Variants in RARS2 observed in about 807,000 individuals in gnomAD.
The protein encoded by RARS2 is arginyl-tRNA synthetase 2, mitochondrial.
RARS2 carries 67 observed loss-of-function variants against 88.5 expected under a neutral mutation model. The ratio of observed to expected loss-of-function variants is 0.76; its 90% CI spans 0.62 to 0.93. The LOEUF is 0.93. RARS2 is among the 40% of genes least tolerant of loss of function. RARS2 has a pLI of 0.00. For synonymous variants in RARS2, 239 were observed against 230.3 expected, an observed-to-expected ratio of 1.04 and a Z score of -0.34; for missense variants, 664 against 684.2, an observed-to-expected ratio of 0.97 and a Z score of 0.33.
At chr6:87,573,167 A>T (rs1022107977) in intron 1 of RARS2, among the ~76,000 whole-genome samples, 2 of 152,152 alleles carry the variant, frequency 1.3e-5, no homozygotes, top group Non-Finnish European at 2.9e-5. Context: ...GGAAGCACGT[A>T]TGGGGAGGCC....
intron 7 of RARS2, among the ~76,000 whole-genome samples, chr6:87,542,992 A>G (rs923478126): frequency 1.3e-5 from 2 of 152,158 alleles, no homozygotes; most frequent in African/African-American, 4.8e-5. Context: ...GAGGAACATT[A>G]GTTTTATTAC....
chr6:87,550,623 C>A (rs995731764), intron 5 of RARS2, among the ~76,000 whole-genome samples: 1 of 149,764 alleles, frequency 6.7e-6, no homozygotes. Flanking sequence ...TTTGCCAAAA[C>A]TCATCAAATT....
intron 11 of RARS2, among the ~76,000 whole-genome samples, chr6:87,524,234 G>A (rs1054924816): frequency 2.6e-5 from 4 of 151,808 alleles, no homozygotes; most frequent in Non-Finnish European, 4.4e-5. Context: ...GAGATGGATG[G>A]GAAAAAAAAA....
intron 5 of RARS2, among the ~76,000 whole-genome samples, chr6:87,553,704 T>C (rs1253547510): frequency 6.6e-6 from 1 of 152,190 alleles, no homozygotes; most frequent in Non-Finnish European, 1.5e-5. Context: ...AGCAGGCAAA[T>C]TTCCTTAGGA....
At chr6:87,560,818 G>A (rs938325628) in intron 4 of RARS2, among the ~76,000 whole-genome samples, 13 of 152,314 alleles carry the variant, frequency 8.5e-5, no homozygotes, top group African/African-American at 3.1e-4. Context: ...AACCCGGGAG[G>A]TGGAGGTTAC....
chr6:87,515,093 A>T, intron 18 of RARS2, 73 bp from the exon 19 acceptor site: 2 of 1,121,308 alleles, frequency 1.8e-6, no homozygotes, highest in Non-Finnish European at 2.7e-6. Context: ...CTTGATATCT[A>T]ATCTTACTCC....
At chr6:87,567,989 T>C (rs1768446360) in intron 2 of RARS2, among the ~76,000 whole-genome samples, 1 of 152,140 alleles carries the variant, frequency 6.6e-6, no homozygotes, top group African/African-American at 2.4e-5. Context: ...GCCAGGATGG[T>C]CTCCATCTCC....
chr6:87,521,254 C>CT (rs1389688782), intron 12 of RARS2, among the ~76,000 whole-genome samples: 2 of 152,150 alleles, frequency 1.3e-5, no homozygotes, highest in Non-Finnish European at 2.9e-5. Flanking sequence ...AACCATCTTA[C>CT]TGATTCAGGT....
chr6:87,579,521 G>A (rs1772713881), intron 1 of RARS2, among the ~76,000 whole-genome samples: 1 of 152,086 alleles, frequency 6.6e-6, no homozygotes, highest in South Asian at 2.1e-4. Flanking sequence ...TGCTTCTCAG[G>A]TGATTCAAGT....
At position 87,564,317 on chromosome 6, in the gene RARS2, A is replaced by G. The variant is rs1355762542; in HGVS notation, c.111-85T>C. On this transcript the variant is annotated intron_variant, in intron 2 of 19. Coordinates refer to ENST00000369536, the MANE Select transcript of RARS2 (RefSeq NM_020320.5). Reference sequence around the variant, plus strand: ...AAAGACTAATCACTATGAGTTCTCCATTGAGACATACCTTTACCAGAAGAA... The same window carrying G: ...AAAGACTAATCACTATGAGTTCTCCGTTGAGACATACCTTTACCAGAAGAA... 6.4e-6 allele frequency: 6 copies of G among 944,306 alleles called. No homozygotes were observed. In the Admixed American group the frequency reaches 7.5e-5, roughly 12 times the overall value. 58.5% of individuals were successfully genotyped at this position (944,306 alleles called of 1,614,324 possible).
intron 8 of RARS2, among the ~76,000 whole-genome samples, chr6:87,540,411 T>C (rs570809701): frequency 6.9e-6 from 1 of 144,124 alleles, no homozygotes; most frequent in African/African-American, 2.6e-5. Flanking sequence ...GATCACACCA[T>C]TGCACTTCAG....
intron 1 of RARS2, among the ~76,000 whole-genome samples, chr6:87,569,905 A>G (rs1769116981): frequency 6.6e-6 from 1 of 152,064 alleles, no homozygotes; most frequent in South Asian, 2.1e-4. Context: ...AAAAAAAAAA[A>G]AAGTATGGCA....
intron 4 of RARS2, among the ~76,000 whole-genome samples, chr6:87,558,895 G>A (rs1786901261): frequency 6.6e-6 from 1 of 152,182 alleles, no homozygotes; most frequent in Non-Finnish European, 1.5e-5. Flanking sequence ...TCCTTCAGGA[G>A]ATACTCCAGA....
intron 1 of RARS2, 135 bp downstream of exon 1, chr6:87,589,787 G>T: frequency 6.3e-7 from 1 of 1,594,972 alleles, no homozygotes; most frequent in Non-Finnish European, 8.5e-7. Flanking sequence ...CCAGAGAAGG[G>T]GGAGGAGGTG....
intron 10 of RARS2, among the ~76,000 whole-genome samples, chr6:87,526,672 A>G (rs1775828023): frequency 6.9e-6 from 1 of 143,928 alleles, no homozygotes; most frequent in Non-Finnish European, 1.5e-5. Context: ...GGTCAACTGA[A>G]TTTTTTTTTT....
rs575199847 is a variant in RARS2, at chr6:87,538,420, T to C, written c.612+3498A>G. Reference sequence around the variant, plus strand: ...ACCCATCAGTAAATAACCTCTAACATAGATGTTGATCTTCCACTATTTTTG... The same window carrying C: ...ACCCATCAGTAAATAACCTCTAACACAGATGTTGATCTTCCACTATTTTTG... On this transcript the variant is annotated intron_variant, in intron 8 of 19. Coordinates refer to ENST00000369536, the MANE Select transcript of RARS2 (RefSeq NM_020320.5). 4.6e-5 allele frequency among the ~76,000 whole-genome samples: 7 copies of C among 152,332 alleles called. No individual in the cohort carries two copies. In the East Asian group the frequency reaches 5.8e-4, roughly 13 times the overall value.
intron 1 of RARS2, among the ~76,000 whole-genome samples, chr6:87,573,919 G>A (rs1366301568): frequency 6.6e-6 from 1 of 152,188 alleles, no homozygotes; most frequent in Non-Finnish European, 1.5e-5. Flanking sequence ...AATAGCTTCT[G>A]GAGGAGAATG....
chr6:87,545,634 C>T lies in RARS2; in HGVS notation c.517G>A (p.Asp173Asn), dbSNP rs769045045. 4.3e-6 allele frequency: 7 copies of T among 1,613,640 alleles called. No homozygotes were observed. In the Admixed American group the frequency reaches 5.0e-5, roughly 12 times the overall value. The change falls in exon 7 of 20, where the codon GAT becomes AAT. Residue 173 changes from aspartate (D) to asparagine (N), a missense_variant. Transcript: ENST00000369536. ...HQVIRINYLG[D>N]WGMQFGLLGT... ...TACTTACCAAACTGCATGCCCCAAT[C>T]GCCAAGGTAATTTATTCTTATTACT...
At chr6:87,582,893 G>A (rs1354794320) in intron 1 of RARS2, among the ~76,000 whole-genome samples, 1 of 152,148 alleles carries the variant, frequency 6.6e-6, no homozygotes, top group East Asian at 1.9e-4. Context: ...GCAGATGTAA[G>A]TTAATAACGA....
Sources: gnomAD v4.1 joint callset for allele counts (sites outside exome capture counted in the v4.1 genomes callset) on GRCh38, gnomAD v4.1.1 for gene constraint, MANE v1.5 for transcripts, NCBI Gene and HGNC (gene_info 2026-07-23, HGNC 2026-07-21) for gene names.